The following HMGCL variants were observed in gnomAD, a reference collection of about 807,000 sequenced individuals.
The protein encoded by HMGCL is 3-hydroxy-3-methylglutaryl-CoA lyase, also known as hydroxymethylglutaryl-CoA lyase, mitochondrial.
HMGCL carries 26 observed loss-of-function variants against 37.3 expected under a neutral mutation model. The ratio of observed to expected loss-of-function variants is 0.70; its 90% CI spans 0.51 to 0.97. HMGCL has a LOEUF of 0.97. HMGCL is among the 50% of genes least tolerant of loss of function. The probability of loss-of-function intolerance (pLI) is 0.00; values close to 1 mark genes in which losing one functional copy is unlikely to be tolerated. For synonymous variants in HMGCL, 151 were observed against 148.0 expected, an observed-to-expected ratio of 1.02 and a Z score of -0.15; for missense variants, 379 against 398.1, an observed-to-expected ratio of 0.95 and a Z score of 0.41.
rs1425615804 is a variant in HMGCL at position 23,804,413 on chromosome 1, A to C, written c.863T>G (p.Leu288Trp). 5.0e-6 allele frequency: 8 copies of C among 1,614,226 alleles called. No individual in the cohort carries two copies. The East Asian group carries it at 1.6e-4, about 31-fold the overall frequency. The change falls in exon 8 of 9, where the codon TTG (leucine) becomes TGG (tryptophan). Residue 288 changes from leucine (L) to tryptophan (W), a missense_variant. By Grantham distance (61) the Leu-to-Trp change is moderately conservative. Coordinates refer to ENST00000374490, the MANE Select transcript of HMGCL (RefSeq NM_000191.3). ...TEDLVYMLEGLGIHTGVNLQK... is the reference protein window; with the variant it reads ...TEDLVYMLEGWGIHTGVNLQK... The stretch of plus-strand genomic sequence containing the variant: ...GGGTGGGCTTACCGTGTGAATGCCC[A>C]AGCCCTCTAGCATGTAGACCAGGTC...
Position 23,802,174 on chromosome 1 carries a change from CG to C in HMGCL, c.*288del, listed in dbSNP as rs1260488789. The C allele has an allele frequency of 6.7e-6, 4 of 593,114 alleles. No homozygotes were observed. The highest frequency in any genetic ancestry group is 1.2e-5 in the Non-Finnish European group (4 of 333,808). 36.7% of individuals were successfully genotyped at this position (593,114 alleles called of 1,614,324 possible). A position where few individuals can be genotyped will look rare whatever the true frequency, so the allele number is the denominator to read the frequency against. ...CTCAAGGATCATGCTAAGTAGGGAA[CG>C]GGGTTCCCACACGTCCTCAGGCATT... On this transcript the variant is annotated 3_prime_UTR_variant, in exon 9 of 9. Transcript: ENST00000374490.
rs1308816756 is a variant in HMGCL at position 23,802,545 on chromosome 1, A to C, written c.896T>G (p.Leu299Arg). 2 of 1,613,606 alleles carry C rather than the reference A, an allele frequency of 1.2e-6. No homozygotes were observed. The highest frequency in any genetic ancestry group is 1.7e-6 in the Non-Finnish European group (2 of 1,179,602). Reference protein sequence around the residue: ...GIHTGVNLQKLLEAGNFICQA... With the variant: ...GIHTGVNLQKRLEAGNFICQA... ...ACAGATAAAGTTTCCAGCTTCCAGA[A>C]GCTTCTGGAGATTCACACCCTTTGA... The change falls in exon 9 of 9, where the codon CTT becomes CGT. Residue 299 changes from leucine (L) to arginine (R), a missense_variant. Coordinates refer to ENST00000374490, the MANE Select transcript of HMGCL (RefSeq NM_000191.3).
chr1:23,809,238 A>ATATT (rs1438166426), intron 6 of HMGCL: 14 of 84,434 alleles, frequency 1.7e-4, no homozygotes, highest in Non-Finnish European at 2.9e-4. Context: ...ATATATATAT[A>ATATT]TTTTTTTTTT....
chr1:23,804,126 G>T, intron 8 of HMGCL: 1 of 475,066 alleles, frequency 2.1e-6, no homozygotes, highest in Non-Finnish European at 3.9e-6. Flanking sequence ...GTTTTGTTTT[G>T]AAGAGATAGG....
intron 2 of HMGCL, among the ~76,000 whole-genome samples, chr1:23,819,803 C>T (rs1219473399): frequency 6.6e-6 from 1 of 152,058 alleles, no homozygotes; most frequent in Non-Finnish European, 1.5e-5. Flanking sequence ...GAGACAGAAT[C>T]GTGCTCTGCC....
In HMGCL at chr1:23,817,570, G is replaced by A. The variant is rs774961101; in HGVS notation, c.158C>T (p.Thr53Ile). 6.2e-7 allele frequency: 1 copy of A among 1,606,404 alleles called. No homozygotes were observed. Among genetic ancestry groups the A allele is most frequent in the Non-Finnish European group, 8.5e-7 (1 of 1,173,106 alleles). ...GLQNEKNIVS[T>I]PVKIKLIDML... The stretch of plus-strand genomic sequence containing the variant: ...GTCTATCAGCTTGATTTTCACTGGA[G>A]TAGATACGATATTCTATAGTGGAGA... Residue 53 changes from threonine to isoleucine, a missense_variant, in exon 3 of 9, where the codon ACT (threonine) becomes ATT (isoleucine). Coordinates refer to ENST00000374490, the MANE Select transcript of HMGCL (RefSeq NM_000191.3).
intron 2 of HMGCL, among the ~76,000 whole-genome samples, chr1:23,818,088 T>TC (rs1638647702): frequency 6.6e-6 from 1 of 152,222 alleles, no homozygotes; most frequent in African/African-American, 2.4e-5. Flanking sequence ...AAATGCAGCT[T>TC]CCAACCTTCC....
Position 23,806,066 on chromosome 1 carries a change from C to T in HMGCL, c.751-1541G>A, listed in dbSNP as rs1339311509. On this transcript the variant is annotated intron_variant, in intron 7 of 8. Transcript: ENST00000374490. This position sits in a 1 kb window ranked among gnomAD's most constrained non-coding sequence, Gnocchi z 4.0. ...TCCCGGGCTCAAGTGATTCTCATGC[C>T]TCAGCCTCGCAAATAGCTGGGATTA... is the stretch of plus-strand genomic sequence containing the variant. Among the ~76,000 whole-genome samples, 1 of 152,180 alleles carries T rather than the reference C, an allele frequency of 6.6e-6. No homozygotes were observed.
chr1:23,825,400 T>G lies in HMGCL; in HGVS notation c.16A>C (p.Lys6Gln), dbSNP rs568927905. The G allele has an allele frequency of 1.3e-6, 2 of 1,560,126 alleles. No homozygotes were observed. Among genetic ancestry groups the G allele is most frequent in the South Asian group, 2.4e-5 (2 of 84,742 alleles). Reference protein sequence around the residue: MAAMRKALPRRLVGLA... With the variant: MAAMRQALPRRLVGLA... Reference sequence around the variant, plus strand: ...CCCACCAGTCGCCGCGGAAGCGCCTTCCTCATTGCTGCCATCTTGGCCCAG... The same window carrying G: ...CCCACCAGTCGCCGCGGAAGCGCCTGCCTCATTGCTGCCATCTTGGCCCAG... Residue 6 changes from lysine to glutamine, a missense_variant, in exon 1 of 9, where the codon AAG becomes CAG. Transcript: ENST00000374490.
At chr1:23,817,086 T>C (rs1638626239) in intron 3 of HMGCL, among the ~76,000 whole-genome samples, 1 of 152,232 alleles carries the variant, frequency 6.6e-6, no homozygotes, top group Non-Finnish European at 1.5e-5. Context: ...CTCAGCTCTG[T>C]GTTAAGCACT....
At chr1:23,817,879 C>T (rs1353001580) in intron 2 of HMGCL, among the ~76,000 whole-genome samples, 1 of 152,280 alleles carries the variant, frequency 6.6e-6, no homozygotes. Context: ...AGTATCACAC[C>T]CTCCTCGCTT....
In HMGCL at chr1:23,801,955, C is replaced by A; in HGVS notation, c.*508G>T. The A allele has an allele frequency of 2.4e-6, 1 of 421,290 alleles. No homozygotes were observed. The highest frequency in any genetic ancestry group is 4.2e-6 in the Non-Finnish European group (1 of 238,006). 26.1% of individuals were successfully genotyped at this position (421,290 alleles called of 1,614,324 possible). Reference sequence around the variant, plus strand: ...AATCACATTCAGCGTGGAGATTTTCCAGAGATGCTGGAGTTGGCAGACGGC... The same window carrying A: ...AATCACATTCAGCGTGGAGATTTTCAAGAGATGCTGGAGTTGGCAGACGGC... On this transcript the variant is annotated 3_prime_UTR_variant, in exon 9 of 9. Transcript: ENST00000374490.
At chr1:23,825,253 G>T in intron 1 of HMGCL, 103 bp downstream of exon 1, 2 of 938,064 alleles carry the variant, frequency 2.1e-6, no homozygotes, top group Non-Finnish European at 3.4e-6. Context: ...CCTGAGAGCT[G>T]TCCGGCCTCG....
chr1:23,809,546 T>C (rs1166983314), intron 6 of HMGCL: 1 of 152,146 alleles, frequency 6.6e-6, no homozygotes, highest in Non-Finnish European at 1.5e-5. Flanking sequence ...CCAATAGTTA[T>C]ATTTTTTAAT....
rs1375685908 is a variant in HMGCL, at chr1:23,820,575, C to G, written c.79G>C (p.Gly27Arg). The change falls in exon 2 of 9, where the codon GGC (glycine) becomes CGC (arginine). Residue 27 changes from glycine to arginine, a missense_variant. Gly to Arg is a moderately radical substitution (Grantham distance 125). Transcript: ENST00000374490. ...SLRAVSTSSM[G>R]TLPKRVKIVE... is the part of the protein sequence containing the mutation. ...ATTTTCACCCGCTTTGGTAAAGTGC[C>G]CATAGATGAGGTGCTGACCTTTGGT... 1 of 1,613,790 alleles carries G rather than the reference C, an allele frequency of 6.2e-7. No individual in the cohort carries two copies.
chr1:23,808,467 T>C, intron 6 of HMGCL, 144 bp from the exon 7 acceptor site: 1 of 740,958 alleles, frequency 1.3e-6, no homozygotes, highest in South Asian at 1.4e-5. Context: ...TCCTCACCAC[T>C]CCAACTGGGA....
At chr1:23,805,470 A>G (rs1251253282) in intron 7 of HMGCL, among the ~76,000 whole-genome samples, 1 of 151,930 alleles carries the variant, frequency 6.6e-6, no homozygotes, top group African/African-American at 2.4e-5. Flanking sequence ...CGTCCCCACA[A>G]CTCCTCCACT....
chr1:23,808,945 G>A lies in HMGCL; in HGVS notation c.562-622C>T, dbSNP rs527699419. Among the ~76,000 whole-genome samples the A allele has an allele frequency of 1.3e-4, 20 of 150,450 alleles. 1 individual carries two copies. Among genetic ancestry groups the A allele is most frequent in the African/African-American group, 1.9e-4 (8 of 41,230 alleles). On this transcript the variant is annotated intron_variant, in intron 6 of 8. Transcript: ENST00000374490. ...TTTTGAGACAGAGTCTCACTCTGTC[G>A]CCCAGGCTGGAGTGCAGTGGCACAA...
At chr1:23,811,859 T>C (rs1172985953) in intron 5 of HMGCL, among the ~76,000 whole-genome samples, 2 of 152,226 alleles carry the variant, frequency 1.3e-5, no homozygotes, top group Admixed American at 1.3e-4. Context: ...ATTCTGCATA[T>C]TAAGAGGCAT....
Sources: gnomAD v4.1 joint callset for allele counts (sites outside exome capture counted in the v4.1 genomes callset) on GRCh38, gnomAD v4.1.1 for gene constraint, Gnocchi (gnomAD v3.1) non-coding constraint, MANE v1.5 for transcripts, NCBI Gene and HGNC (gene_info 2026-07-23, HGNC 2026-07-21) for gene names.